The following DPRX variants were observed in gnomAD, a reference collection of about 807,000 sequenced individuals.
DPRX encodes divergent-paired related homeobox.
In DPRX, 11 loss-of-function variants were observed where a neutral mutation model predicts 8.4. That is an observed-to-expected ratio of 1.31 (90% CI 0.82 to 2.17). The LOEUF is 2.17. Among genes scored for constraint, DPRX ranks in the 30% most tolerant of loss-of-function variants. The probability of loss-of-function intolerance (pLI) is 0.00; values close to 1 mark genes in which losing one functional copy is unlikely to be tolerated. For missense variants in DPRX, 211 were observed against 236.7 expected, an observed-to-expected ratio of 0.89 and a Z score of 0.71; for synonymous variants, 72 against 87.0, an observed-to-expected ratio of 0.83 and a Z score of 0.96.
At chr19:53,616,909 CTGG>C in the DPRX span, 163 of 1,447,940 alleles carry the variant, frequency 1.1e-4, 1 homozygote, top group African/African-American at 1.8e-3. Context: ...TATGTATGCT[CTGG>C]TGGTGGTGTC....
chr19:53,620,258 A>G, the DPRX span, among the ~76,000 whole-genome samples: 52 of 151,470 alleles, frequency 3.4e-4, no homozygotes, highest in East Asian at 9.8e-3. Flanking sequence ...TTTAGTAGAG[A>G]CAGGGTTTCA....
chr19:53,607,282 G>A, the DPRX span, among the ~76,000 whole-genome samples: 1 of 152,198 alleles, frequency 6.6e-6, no homozygotes, highest in African/African-American at 2.4e-5. Flanking sequence ...CCTCTGGCCA[G>A]TTGCAATGGC....
the DPRX span, among the ~76,000 whole-genome samples, chr19:53,620,898 A>G: frequency 1.4e-3 from 214 of 151,952 alleles, 1 homozygote; most frequent in Non-Finnish European, 6.3e-4. Context: ...CCAGCCTGCC[A>G]AAGCTATTTT....
the DPRX span, among the ~76,000 whole-genome samples, chr19:53,624,241 C>T: frequency 6.6e-6 from 1 of 151,218 alleles, no homozygotes; most frequent in African/African-American, 2.4e-5. Context: ...GTGCCCGCCA[C>T]CACGCCCAGC....
the DPRX span, among the ~76,000 whole-genome samples, chr19:53,610,644 C>T: frequency 1.3e-5 from 2 of 152,190 alleles, no homozygotes; most frequent in Admixed American, 1.3e-4. Flanking sequence ...GCTTGTCCAA[C>T]CAGCGGCCCA....
chr19:53,616,778 C>T, the DPRX span: 57 of 1,540,922 alleles, frequency 3.7e-5, no homozygotes, highest in Admixed American at 5.8e-4. Context: ...AAATAGAGGC[C>T]GAGAATGGCC....
At chr19:53,615,005 G>GCTAT in the DPRX span, among the ~76,000 whole-genome samples, 1 of 151,714 alleles carries the variant, frequency 6.6e-6, no homozygotes, top group South Asian at 2.1e-4. Flanking sequence ...CATTTGTGGT[G>GCTAT]CTATAGTTGT....
the DPRX span, chr19:53,602,118 TTGGGCCAA>T: frequency 2.2e-6 from 1 of 456,638 alleles, no homozygotes; most frequent in Admixed American, 2.4e-5. Context: ...GAACAGGCGT[TTGGGCCAA>T]TGGGCCAATA....
chr19:53,623,020 C>T, the DPRX span, among the ~76,000 whole-genome samples: 2 of 152,062 alleles, frequency 1.3e-5, no homozygotes, highest in Non-Finnish European at 2.9e-5. Context: ...AAAAGCCATT[C>T]CTGGGCCAAG....
the DPRX span, chr19:53,616,932 C>A: frequency 1.5e-6 from 2 of 1,337,754 alleles, no homozygotes; most frequent in Non-Finnish European, 2.2e-6. Flanking sequence ...CTTACTTCCT[C>A]ATCACCAGAG....
At chr19:53,627,435 C>CTTTTTTT (rs759332421), upstream of DPRX, among the ~76,000 whole-genome samples, 2 of 102,518 alleles carry the variant, frequency 2.0e-5, no homozygotes, top group Admixed American at 1.1e-4. Context: ...TTCTTTCTTT[C>CTTTTTTT]TTTCTTTTTT....
At chr19:53,627,730 T>C (rs1186800681), upstream of DPRX, among the ~76,000 whole-genome samples, 2 of 144,232 alleles carry the variant, frequency 1.4e-5, no homozygotes, top group African/African-American at 2.5e-5. Flanking sequence ...TGAGCCACCG[T>C]GCCCAGCCAA....
the DPRX span, among the ~76,000 whole-genome samples, chr19:53,605,045 G>A: frequency 6.6e-6 from 1 of 151,926 alleles, no homozygotes. Context: ...CAGGTGCAGG[G>A]GCTCATGCCT....
the DPRX span, chr19:53,608,339 T>C: frequency 2.0e-5 from 3 of 152,416 alleles, no homozygotes; most frequent in East Asian, 5.8e-4. Context: ...GTTGTGCAGA[T>C]CTCCCTTGAT....
upstream of DPRX, chr19:53,629,653 G>T (rs528075414): frequency 9.2e-5 from 14 of 151,732 alleles, no homozygotes; most frequent in Middle Eastern, 3.4e-3. Context: ...AGATAAAAAT[G>T]TGGTTTAAAA....
chr19:53,632,460 C>A (rs1247973553), intron 1 of DPRX, among the ~76,000 whole-genome samples: 1 of 97,524 alleles, frequency 1.0e-5, no homozygotes, highest in Non-Finnish European at 2.1e-5. Flanking sequence ...GCCACCACAC[C>A]TGGCTAATTT....
the DPRX span, among the ~76,000 whole-genome samples, chr19:53,615,562 C>G: frequency 1.3e-5 from 2 of 151,904 alleles, no homozygotes; most frequent in Non-Finnish European, 2.9e-5. Context: ...ATTACAGGTG[C>G]GAGCCACTGT....
At chr19:53,605,732 T>G in the DPRX span, among the ~76,000 whole-genome samples, 61 of 151,972 alleles carry the variant, frequency 4.0e-4, no homozygotes, top group African/African-American at 1.3e-3. Flanking sequence ...TGGTGTGACC[T>G]CAGCTCACTG....
the DPRX span, among the ~76,000 whole-genome samples, chr19:53,614,953 C>T: frequency 6.6e-6 from 1 of 151,630 alleles, no homozygotes; most frequent in Non-Finnish European, 1.5e-5. Flanking sequence ...GACCCTGTCT[C>T]TCTATTTTTT....
Sources: allele counts gnomAD v4.1 joint callset (sites outside exome capture counted in the v4.1 genomes callset), GRCh38; gene constraint gnomAD v4.1.1; transcripts MANE v1.5; gene names NCBI Gene and HGNC (gene_info 2026-07-23, HGNC 2026-07-21).